Variants in SRGAP2 observed in about 807,000 individuals in gnomAD.
The protein encoded by SRGAP2 is SLIT-ROBO Rho GTPase activating protein 2.
Under a neutral mutation model 57.2 loss-of-function variants are expected in SRGAP2, and 15 were observed. That is an observed-to-expected ratio of 0.26 (90% CI 0.18 to 0.40). SRGAP2 has a LOEUF of 0.40. SRGAP2 is among the 10% of genes least tolerant of loss of function. SRGAP2 has a pLI of 1.00. For missense variants in SRGAP2, 520 were observed against 669.6 expected, an observed-to-expected ratio of 0.78 and a Z score of 2.47; for synonymous variants, 249 against 248.0, an observed-to-expected ratio of 1.00 and a Z score of -0.04.
rs781984619 is a variant in SRGAP2, at chr1:206,436,971, A to G, written c.1562A>G (p.Gln521Arg). The G allele has an allele frequency of 6.4e-6, 5 of 780,774 alleles. No homozygotes were observed. The highest frequency in any genetic ancestry group is 1.3e-5 in the South Asian group (1 of 74,626). The allele number at this position is 780,774 out of a possible 1,614,324, so 48.4% of individuals were successfully genotyped here. Residue 521 changes from glutamine to arginine, a missense_variant, in exon 15 of 23, where the codon CAG becomes CGG. Physicochemically the swap from Gln to Arg is conservative, Grantham distance 43 (BLOSUM62 1). This residue lies in a region of SRGAP2 where 478 missense variants were observed against 373.6 expected (regional missense o/e 1.28). Coordinates refer to ENST00000573034, the MANE Select transcript of SRGAP2 (RefSeq NM_015326.5). ...CTTTTCTGTGTATTTCCAGGACTAC[A>G]GCATGAAGGAATTTTCCGGGTGTCA... is the stretch of plus-strand genomic sequence containing the variant. ...CIRFISRHGLQHEGIFRVSGS... is the reference protein window; with the variant it reads ...CIRFISRHGLRHEGIFRVSGS...
chr1:206,329,728 A>G (rs1558314251), intron 3 of SRGAP2, among the ~76,000 whole-genome samples: 1 of 145,190 alleles, frequency 6.9e-6, no homozygotes, highest in African/African-American at 2.5e-5. Context: ...GGTTTTCTAG[A>G]TAAACAATCA....
chr1:206,457,514 G>T (rs1032554637), intron 21 of SRGAP2, among the ~76,000 whole-genome samples: 1 of 152,206 alleles, frequency 6.6e-6, no homozygotes, highest in African/African-American at 2.4e-5. Context: ...CAGAGAGGGG[G>T]TTCATTTCAG....
chr1:206,419,312 G>A, intron 11 of SRGAP2, 61 bp from the exon 12 acceptor site: 1 of 778,214 alleles, frequency 1.3e-6, no homozygotes, highest in Non-Finnish European at 2.4e-6. Context: ...CTAGGAGTGG[G>A]TCTCCCTCCT....
chr1:206,283,554 A>G (rs1169916396), intron 2 of SRGAP2, among the ~76,000 whole-genome samples: 1 of 149,186 alleles, frequency 6.7e-6, no homozygotes, highest in Admixed American at 6.7e-5. Context: ...CACCATTGTA[A>G]TTCCAGCTAC....
chr1:206,373,940 G>C (rs1654959963), intron 4 of SRGAP2, among the ~76,000 whole-genome samples: 1 of 151,356 alleles, frequency 6.6e-6, no homozygotes, highest in Non-Finnish European at 1.5e-5. Context: ...TAAAAATACA[G>C]AAGAGTTGAA....
intron 2 of SRGAP2, among the ~76,000 whole-genome samples, chr1:206,220,819 G>A (rs1470827833): frequency 8.5e-5 from 13 of 152,256 alleles, no homozygotes; most frequent in African/African-American, 3.1e-4. Context: ...TATAGCTACT[G>A]GAGTGTTCTT....
Position 206,457,032 on chromosome 1 carries a change from G to T in SRGAP2, c.2508-1591G>T, listed in dbSNP as rs76612689. On this transcript the variant is annotated intron_variant, in intron 21 of 22. Coordinates refer to ENST00000573034, the MANE Select transcript of SRGAP2 (RefSeq NM_015326.5). ...CCAAAGACACTTTGAATACCTTTTG[G>T]TACTCACGCTTCACTCAGATCCCCC... Among the ~76,000 whole-genome samples the T allele has an allele frequency of 5.2e-3, 788 of 152,054 alleles. 4 individuals carry two copies. The highest frequency in any genetic ancestry group is 0.018 in the African/African-American group (734 of 41,454).
chr1:206,290,851 G>A (rs1671279326), intron 2 of SRGAP2, among the ~76,000 whole-genome samples: 1 of 151,926 alleles, frequency 6.6e-6, no homozygotes, highest in African/African-American at 2.4e-5. Flanking sequence ...AGTAGGTGGT[G>A]GAGCTGGCAT....
chr1:206,339,260 A>T (rs1292869111), intron 3 of SRGAP2, among the ~76,000 whole-genome samples: 3 of 151,960 alleles, frequency 2.0e-5, no homozygotes, highest in African/African-American at 7.3e-5. Context: ...AAGCATGTTG[A>T]TTTTCGCTAC....
At chr1:206,327,183 C>T (rs1171773250) in intron 3 of SRGAP2, among the ~76,000 whole-genome samples, 12 of 152,008 alleles carry the variant, frequency 7.9e-5, no homozygotes, top group Admixed American at 1.3e-4. Flanking sequence ...CAAAATTAGC[C>T]GGGCATGGTG....
intron 3 of SRGAP2, among the ~76,000 whole-genome samples, chr1:206,318,931 C>G (rs1673252778): frequency 6.6e-6 from 1 of 151,894 alleles, no homozygotes; most frequent in Non-Finnish European, 1.5e-5. Flanking sequence ...GACAGACATC[C>G]AAACCATATC....
chr1:206,309,808 G>A (rs1672502028), intron 3 of SRGAP2, among the ~76,000 whole-genome samples: 1 of 151,368 alleles, frequency 6.6e-6, no homozygotes, highest in African/African-American at 2.5e-5. Context: ...AAAAGTGATT[G>A]TGGGAGAGAT....
chr1:206,433,870 A>G (rs141282238), intron 14 of SRGAP2, among the ~76,000 whole-genome samples: 1,919 of 152,318 alleles, frequency 0.013, 24 homozygotes, highest in South Asian at 0.026. Context: ...TTATCACACA[A>G]ATATGGATTA....
At position 206,423,949 on chromosome 1, in the gene SRGAP2, ATT is replaced by A. The variant is rs782243765; in HGVS notation, c.1494+2698_1494+2699del. The stretch of plus-strand genomic sequence containing the variant: ...ACCACCACGCCTGGCTAATTTATGT[ATT>A]TTTTTTTTTTTTTTTTTTTTTTATA... On this transcript the variant is annotated intron_variant, in intron 13 of 22. Transcript: ENST00000573034. Among the ~76,000 whole-genome samples the A allele has an allele frequency of 7.0e-3, 617 of 87,712 alleles. 5 individuals are homozygous for A. Among genetic ancestry groups the A allele is most frequent in the African/African-American group, 0.024 (559 of 23,714 alleles). The allele number at this position is 87,712 out of a possible 152,430, so 57.5% of individuals were successfully genotyped here. A position where few individuals can be genotyped will look rare whatever the true frequency, so the allele number is the denominator to read the frequency against.
At chr1:206,231,536 T>A (rs1403617219) in intron 2 of SRGAP2, among the ~76,000 whole-genome samples, 1 of 151,146 alleles carries the variant, frequency 6.6e-6, no homozygotes, top group Non-Finnish European at 1.5e-5. Flanking sequence ...TAATTAGTTT[T>A]CTAATTTTTT....
At chr1:206,409,585 C>T (rs528551682) in intron 10 of SRGAP2, among the ~76,000 whole-genome samples, 6 of 152,200 alleles carry the variant, frequency 3.9e-5, no homozygotes, top group African/African-American at 1.4e-4. Flanking sequence ...AGTTCAAGAC[C>T]AGCCTGGACA....
intron 2 of SRGAP2, among the ~76,000 whole-genome samples, chr1:206,255,592 G>T (rs1553312168): frequency 7.3e-6 from 1 of 136,062 alleles, no homozygotes; most frequent in African/African-American, 2.7e-5. Context: ...GTTGATATAG[G>T]CAGATCCTTG....
intron 12 of SRGAP2, among the ~76,000 whole-genome samples, chr1:206,420,573 G>A (rs1660208584): frequency 6.6e-6 from 1 of 152,206 alleles, no homozygotes; most frequent in Admixed American, 6.5e-5. Flanking sequence ...GGGTTCCTCA[G>A]GAGTGGCCTG....
chr1:206,306,475 G>A (rs1410042995), intron 3 of SRGAP2, among the ~76,000 whole-genome samples: 1 of 152,146 alleles, frequency 6.6e-6, no homozygotes, highest in Non-Finnish European at 1.5e-5. Context: ...AAAGCAGCGT[G>A]GACCCAAAAA....
Sources: gnomAD v4.1 joint callset for allele counts (sites outside exome capture counted in the v4.1 genomes callset) on GRCh38, gnomAD v4.1.1 for gene constraint, gnomAD v4.1.1 regional missense constraint, MANE v1.5 for transcripts, NCBI Gene and HGNC (gene_info 2026-07-23, HGNC 2026-07-21) for gene names.